LRGUK: variants seen among roughly 807,000 people sequenced by gnomAD.
LRGUK encodes leucine-rich repeat and guanylate kinase domain-containing protein.
A neutral mutation model predicts 76.0 loss-of-function variants in LRGUK; 65 were observed. The ratio of observed to expected loss-of-function variants is 0.85; its 90% CI spans 0.70 to 1.05. The LOEUF is 1.05. Among genes scored for constraint, LRGUK ranks in the 50% least tolerant of loss-of-function variants. The pLI, the probability that LRGUK is intolerant of heterozygous loss-of-function variation, is 0.00. For missense variants in LRGUK, 758 were observed against 732.8 expected (o/e 1.03, Z -0.40); for synonymous variants, 268 against 265.6 (o/e 1.01, Z -0.09).
At chr7:134,209,688 G>T in exon 16 of LRGUK, 1 of 399,404 alleles carries the variant, frequency 2.5e-6, no homozygotes, top group South Asian at 1.3e-4. Context: ...CCACCAACCC[G>T]GGAAGCAGAC....
At chr7:134,163,583 A>G (rs1798849890) in intron 7 of LRGUK, 43 bp downstream of exon 7, 3 of 1,559,362 alleles carry the variant, frequency 1.9e-6, no homozygotes, top group Middle Eastern at 3.4e-4. Flanking sequence ...TGTTGACATA[A>G]GAGGACATAT....
chr7:134,176,440 C>T (rs374735470), intron 8 of LRGUK, among the ~76,000 whole-genome samples: 1 of 152,018 alleles, frequency 6.6e-6, no homozygotes, highest in East Asian at 1.9e-4. Context: ...AGTGCAGTGG[C>T]GCGATCTCGG....
At chr7:134,273,637 C>T in the LRGUK span, among the ~76,000 whole-genome samples, 1 of 152,026 alleles carries the variant, frequency 6.6e-6, no homozygotes, top group Admixed American at 6.6e-5. Context: ...TGGCCTTCAG[C>T]AGTTTATGAG....
At chr7:134,266,838 A>G (rs1802865305), downstream of LRGUK, among the ~76,000 whole-genome samples, 1 of 152,216 alleles carries the variant, frequency 6.6e-6, no homozygotes, top group South Asian at 2.1e-4. Context: ...AGAAATTCAC[A>G]AGACACATAA....
At chr7:134,203,650 T>G (rs1229480736) in intron 15 of LRGUK, among the ~76,000 whole-genome samples, 1 of 152,122 alleles carries the variant, frequency 6.6e-6, no homozygotes. Flanking sequence ...CTGGAGAAAG[T>G]TTGACCTGTC....
At chr7:134,246,600 T>C (rs1428149067) in intron 16 of LRGUK, among the ~76,000 whole-genome samples, 1 of 152,242 alleles carries the variant, frequency 6.6e-6, no homozygotes, top group East Asian at 1.9e-4. Flanking sequence ...TGTTTGTTAT[T>C]TCTTGTGAAA....
chr7:134,184,443 G>T (rs1014971189), intron 11 of LRGUK, among the ~76,000 whole-genome samples: 1 of 151,588 alleles, frequency 6.6e-6, no homozygotes, highest in African/African-American at 2.4e-5. Flanking sequence ...CTAATTTTTT[G>T]TATTACTAGT....
At chr7:134,274,998 G>A in the LRGUK span, among the ~76,000 whole-genome samples, 1 of 151,932 alleles carries the variant, frequency 6.6e-6, no homozygotes, top group South Asian at 2.1e-4. Flanking sequence ...TATTGAGTTT[G>A]ACACTGATGT....
rs572786018 is a variant in LRGUK at position 134,187,891 on chromosome 7, A to C, written c.1335-3764A>C. 2.6e-5 allele frequency among the ~76,000 whole-genome samples: 4 copies of C among 152,294 alleles called. No homozygotes were observed. The South Asian group carries it at 8.3e-4, about 32-fold the overall frequency. ...CCATCTCTATTTTCATAAGCTTCTC[A>C]TGATGTTGACTACTAAACATATTTC... On this transcript the variant is annotated intron_variant, in intron 11 of 15. Coordinates refer to ENST00000645682, the Ensembl canonical transcript of LRGUK.
At chr7:134,153,040 A>G (rs1798295940) in intron 5 of LRGUK, among the ~76,000 whole-genome samples, 1 of 152,046 alleles carries the variant, frequency 6.6e-6, no homozygotes, top group Non-Finnish European at 1.5e-5. Flanking sequence ...TTTTCTGCTG[A>G]TTGGGCTGTG....
chr7:134,257,578 G>A lies in LRGUK; in HGVS notation c.2199-679G>A, dbSNP rs545312726. On this transcript the variant is annotated intron_variant, in intron 18 of 19. Transcript: ENST00000285928. ...CCCAGTACTTTCGGAGGCCGAGGCC[G>A]GCTGATCACCTGAGGTCAGGAGTTC... Among the ~76,000 whole-genome samples the A allele has an allele frequency of 5.9e-5, 9 of 152,268 alleles. No individual in the cohort carries two copies. In the East Asian group the frequency reaches 7.7e-4, roughly 13 times the overall value.
intron 12 of LRGUK, among the ~76,000 whole-genome samples, chr7:134,193,849 G>T (rs1007438119): frequency 1.3e-5 from 2 of 151,900 alleles, no homozygotes; most frequent in Admixed American, 1.3e-4. Context: ...CCCACTGACG[G>T]ACAGCCTTGG....
At chr7:134,244,174 A>G (rs924454252) in intron 16 of LRGUK, among the ~76,000 whole-genome samples, 2 of 152,238 alleles carry the variant, frequency 1.3e-5, no homozygotes, top group African/African-American at 4.8e-5. Context: ...ACCAAAAGCA[A>G]TGGCAACAAA....
At chr7:134,199,393 G>T (rs768386892) in exon 14 of LRGUK, 3 of 1,613,396 alleles carry the variant, frequency 1.9e-6, no homozygotes, top group Admixed American at 3.3e-5. Context: ...AGAATTTTCC[G>T]GGATATTTTG....
intron 4 of LRGUK, among the ~76,000 whole-genome samples, chr7:134,144,237 C>CA (rs1483491656): frequency 6.6e-6 from 1 of 152,186 alleles, no homozygotes; most frequent in Non-Finnish European, 1.5e-5. Context: ...CTCCTGGGCT[C>CA]AAGTGGTCCT....
chr7:134,147,308 GT>G (rs1563143566), intron 4 of LRGUK, among the ~76,000 whole-genome samples: 6 of 151,764 alleles, frequency 4.0e-5, no homozygotes, highest in Non-Finnish European at 2.9e-5. Flanking sequence ...GGTGGCACAC[GT>G]CTATAGTCCC....
intron 18 of LRGUK, among the ~76,000 whole-genome samples, chr7:134,254,682 T>G (rs1374063564): frequency 6.6e-6 from 1 of 152,186 alleles, no homozygotes; most frequent in Non-Finnish European, 1.5e-5. Context: ...TTTGTGGGGA[T>G]GCAAACATTC....
intron 15 of LRGUK, among the ~76,000 whole-genome samples, chr7:134,202,398 A>G (rs1233212270): frequency 1.3e-5 from 2 of 152,166 alleles, no homozygotes; most frequent in Admixed American, 6.5e-5. Flanking sequence ...GCAGGAGTGT[A>G]AAATGGTATT....
chr7:134,160,531 GTTACTA>G (rs1798681734), intron 6 of LRGUK, among the ~76,000 whole-genome samples: 1 of 152,016 alleles, frequency 6.6e-6, no homozygotes, highest in South Asian at 2.1e-4. Context: ...AGTAGCTTTA[GTTACTA>G]TTGAAAATAA....
Sources: allele counts gnomAD v4.1 joint callset (sites outside exome capture counted in the v4.1 genomes callset), GRCh38; gene constraint gnomAD v4.1.1; transcripts MANE v1.5; gene names NCBI Gene and HGNC (gene_info 2026-07-23, HGNC 2026-07-21).